The following KCNC3 variants were observed in gnomAD, a reference collection of about 807,000 sequenced individuals.
The protein encoded by KCNC3 is potassium voltage-gated channel subfamily C member 3.
Under a neutral mutation model 43.9 loss-of-function variants are expected in KCNC3, and 22 were observed. The ratio of observed to expected loss-of-function variants is 0.50; its 90% CI spans 0.36 to 0.72. The LOEUF (loss-of-function observed/expected upper bound fraction) is 0.72. KCNC3 is among the 30% of genes least tolerant of loss of function. KCNC3 has a pLI of 0.00. For missense variants in KCNC3, 829 were observed against 1,073.8 expected, an observed-to-expected ratio of 0.77 and a Z score of 3.19; for synonymous variants, 492 against 488.0, an observed-to-expected ratio of 1.01 and a Z score of -0.11.
chr19:50,329,061 A>G lies in KCNC3; in HGVS notation c.22T>C (p.Ser8Pro). Residue 8 changes from serine to proline, a missense_variant, in exon 1 of 5, where the codon TCG becomes CCG. By Grantham distance (74) the Ser-to-Pro change is moderately conservative (BLOSUM62 -1). Around this residue, in one of 7 missense-constraint regions of KCNC3, gnomAD observed 129 missense variants for 83.6 expected, o/e 1.54. Coordinates refer to ENST00000477616, the MANE Select transcript of KCNC3 (RefSeq NM_004977.3). ...GCCCCCTGGCGCCCGCGGAAGGACGAGACGCAGACTGAGCTCAGCATTGGA... is the reference window on the plus strand; with the variant it reads ...GCCCCCTGGCGCCCGCGGAAGGACGGGACGCAGACTGAGCTCAGCATTGGA... MLSSVCV[S>P]SFRGRQGASK... The G allele has an allele frequency of 7.9e-7, 1 of 1,265,248 alleles. No homozygotes were observed. The highest frequency in any genetic ancestry group is 1.0e-6 in the Non-Finnish European group (1 of 995,102). The allele number at this position is 1,265,248 out of a possible 1,614,324, so 78.4% of individuals were successfully genotyped here.
Position 50,320,711 on chromosome 19 carries a change from G to A in KCNC3, c.2052C>T (p.Ala684=), listed in dbSNP as rs373490318. 2.5e-6 allele frequency: 4 copies of A among 1,613,976 alleles called. No individual in the cohort carries two copies. The East Asian group carries it at 8.9e-5, about 36-fold the overall frequency. ...TGGGGCTCTTGTCTTCCGGGGACATGGCAGGCTGGTCAATGGCTGGGCAGT... is the reference window on the plus strand; with the variant it reads ...TGGGGCTCTTGTCTTCCGGGGACATAGCAGGCTGGTCAATGGCTGGGCAGT... The part of the protein sequence containing the change: ...HEDCPAIDQP[A]MSPEDKSPIT... The change falls in exon 3 of 5, where the codon GCC becomes GCT. Residue 684 remains alanine (A), a synonymous_variant. Transcript: ENST00000477616.
In KCNC3 at chr19:50,323,841, G is replaced by A; in HGVS notation, c.1112C>T (p.Pro371Leu). Residue 371 changes from proline to leucine, a missense_variant, in exon 2 of 5, where the codon CCA becomes CTA. Pro to Leu is a moderately conservative substitution (Grantham distance 98). Transcript: ENST00000477616. ...FEFLMRITFCPDKVEFLKSSL... is the reference protein window; with the variant it reads ...FEFLMRITFCLDKVEFLKSSL... ...GCTTTTAAGAAACTCCACCTTGTCT[G>A]GGCAGAAGGTGATGCGCATGAGGAA... The A allele has an allele frequency of 1.2e-6, 2 of 1,614,158 alleles. No individual in the cohort carries two copies. Among genetic ancestry groups the A allele is most frequent in the Non-Finnish European group, 1.7e-6 (2 of 1,180,038 alleles).
At chr19:50,322,215 C>T (rs1363446137) in intron 2 of KCNC3, among the ~76,000 whole-genome samples, 9 of 152,160 alleles carry the variant, frequency 5.9e-5, no homozygotes, top group Non-Finnish European at 1.3e-4. Context: ...GAGGCATAGA[C>T]ACCCCCTGGG....
At position 50,328,607 on chromosome 19, in the gene KCNC3, G is replaced by A; in HGVS notation, c.476C>T (p.Pro159Leu). ...NYYRTGKLHC[P>L]ADVCGPLFEE... ...AAACAGGGGCCCGCACACGTCGGCTGGGCAGTGCAGCTTGCCGGTGCGGTA... is the reference window on the plus strand; with the variant it reads ...AAACAGGGGCCCGCACACGTCGGCTAGGCAGTGCAGCTTGCCGGTGCGGTA... The change falls in exon 1 of 5, where the codon CCA (proline) becomes CTA (leucine). Residue 159 changes from proline (P) to leucine (L), a missense_variant. Coordinates refer to ENST00000477616, the MANE Select transcript of KCNC3 (RefSeq NM_004977.3). 6.2e-7 allele frequency: 1 copy of A among 1,611,426 alleles called. No individual in the cohort carries two copies. The highest frequency in any genetic ancestry group is 8.5e-7 in the Non-Finnish European group (1 of 1,179,494).
chr19:50,325,191 C>T (rs971763113), intron 1 of KCNC3, among the ~76,000 whole-genome samples: 4 of 151,892 alleles, frequency 2.6e-5, no homozygotes, highest in African/African-American at 9.7e-5. Flanking sequence ...ATGGGCCAGG[C>T]CCCTAGAGAT....
At chr19:50,330,608 G>A (rs1043636567), upstream of KCNC3, among the ~76,000 whole-genome samples, 3 of 152,152 alleles carry the variant, frequency 2.0e-5, no homozygotes, top group African/African-American at 7.2e-5. Flanking sequence ...GCAGATTGGA[G>A]GACCGAGGGT....
intron 2 of KCNC3, among the ~76,000 whole-genome samples, chr19:50,321,524 C>G (rs1371812344): frequency 1.3e-5 from 2 of 152,118 alleles, no homozygotes; most frequent in Non-Finnish European, 2.9e-5. Context: ...AATCCCAGCA[C>G]TTTGGGAGGC....
intron 4 of KCNC3, among the ~76,000 whole-genome samples, chr19:50,318,250 C>T (rs1054737915): frequency 6.6e-6 from 1 of 152,080 alleles, no homozygotes; most frequent in Non-Finnish European, 1.5e-5. Context: ...TCTTGGCTCA[C>T]TGCAACCTCC....
chr19:50,330,867 G>C (rs1462361913), upstream of KCNC3, among the ~76,000 whole-genome samples: 2 of 152,000 alleles, frequency 1.3e-5, no homozygotes, highest in African/African-American at 4.8e-5. Context: ...CCGAGAGGCA[G>C]AGCGCAGGCT....
rs1342770523 is a variant in KCNC3 at position 50,324,860 on chromosome 19, G to A, written c.871-778C>T. On this transcript the variant is annotated intron_variant, in intron 1 of 4. Transcript: ENST00000477616. This position sits in a 1 kb window ranked among gnomAD's most constrained non-coding sequence, Gnocchi z 4.1. ...GCAGTGGTGGTGCCACAGAGGGGAG[G>A]TGGGGGTCCGGGCCCTTAAGGGAGG... Among the ~76,000 whole-genome samples the A allele has an allele frequency of 6.6e-6, 1 of 152,026 alleles. No individual in the cohort carries two copies. Among genetic ancestry groups the A allele is most frequent in the Non-Finnish European group, 1.5e-5 (1 of 68,014 alleles).
In KCNC3 at chr19:50,321,371, G is replaced by C. The variant is rs1386365176; in HGVS notation, c.1979-587C>G. Among the ~76,000 whole-genome samples, 11 of 152,276 alleles carry C rather than the reference G, an allele frequency of 7.2e-5. No homozygotes were observed. The South Asian group carries it at 2.3e-3, about 32-fold the overall frequency. On this transcript the variant is annotated intron_variant, in intron 2 of 4. Transcript: ENST00000477616. ...TAGTCCCAGCTACTCTGCAGGCTGAGGCAGGAGGATCACTTGAAACTGGGA... is the reference window on the plus strand; with the variant it reads ...TAGTCCCAGCTACTCTGCAGGCTGACGCAGGAGGATCACTTGAAACTGGGA...
Position 50,327,625 on chromosome 19 carries a change from G to A in KCNC3, c.870+588C>T, listed in dbSNP as rs2037122017. ...GAGGTCTTCTGGGAGACGGGCCACG[G>A]GGTGAATCGGGGAGGTGCTGGGAGA... is the stretch of plus-strand genomic sequence containing the variant. On this transcript the variant is annotated intron_variant, in intron 1 of 4. Coordinates refer to ENST00000477616, the MANE Select transcript of KCNC3 (RefSeq NM_004977.3). Among the ~76,000 whole-genome samples the A allele has an allele frequency of 2.6e-5, 4 of 152,072 alleles. No individual in the cohort carries two copies. In the South Asian group the frequency reaches 8.3e-4, roughly 32 times the overall value.
chr19:50,324,228 T>G lies in KCNC3; in HGVS notation c.871-146A>C. 1 of 693,860 alleles carries G rather than the reference T, an allele frequency of 1.4e-6. No homozygotes were observed. Among genetic ancestry groups the G allele is most frequent in the South Asian group, 2.0e-5 (1 of 49,872 alleles). The allele number at this position is 693,860 out of a possible 1,614,324, so 43.0% of individuals were successfully genotyped here. ...AATCCAGGTGTCTCAGCCCTGTGGC[T>G]CCATCACTTCCAGAATCCCATTCTC... On this transcript the variant is annotated intron_variant, in intron 1 of 4. Transcript: ENST00000477616. The surrounding 1 kb of genome is among the most constrained non-coding windows in gnomAD (Gnocchi z 4.1).
intron 2 of KCNC3, among the ~76,000 whole-genome samples, chr19:50,321,026 G>A (rs2037027594): frequency 7.5e-6 from 1 of 133,232 alleles, no homozygotes; most frequent in Non-Finnish European, 1.5e-5. Flanking sequence ...TGAGTGCTGG[G>A]AAGGGCGACT....
upstream of KCNC3, among the ~76,000 whole-genome samples, chr19:50,333,288 G>C (rs190344383): frequency 1.1e-3 from 163 of 152,312 alleles, no homozygotes; most frequent in Non-Finnish European, 1.9e-3. Flanking sequence ...GGCTGCAGAG[G>C]GGGGAGTGAC....
intron 3 of KCNC3, 101 bp downstream of exon 3, chr19:50,320,492 A>G (rs549187542): frequency 9.0e-7 from 1 of 1,106,178 alleles, no homozygotes; most frequent in South Asian, 1.4e-5. Flanking sequence ...GGAAGGGGGA[A>G]GGGAAGTCCA....
chr19:50,333,370 C>T (rs1045301596), upstream of KCNC3: 1 of 153,884 alleles, frequency 6.5e-6, no homozygotes, highest in African/African-American at 2.4e-5. Flanking sequence ...ATGGCGGACC[C>T]CGGGGTCCTG....
intron 4 of KCNC3, among the ~76,000 whole-genome samples, chr19:50,318,974 A>T (rs1193617191): frequency 7.3e-6 from 1 of 137,318 alleles, no homozygotes; most frequent in African/African-American, 2.7e-5. Flanking sequence ...AGCCCAGGTG[A>T]CATAGCAAGA....
At chr19:50,330,764 C>T (rs1415208975), upstream of KCNC3, among the ~76,000 whole-genome samples, 2 of 151,742 alleles carry the variant, frequency 1.3e-5, no homozygotes, top group Admixed American at 1.3e-4. Context: ...TCTCAGAGGT[C>T]GGGTTCTGGG....
Sources: gnomAD v4.1 joint callset for allele counts (sites outside exome capture counted in the v4.1 genomes callset) on GRCh38, gnomAD v4.1.1 for gene constraint, gnomAD v4.1.1 regional missense constraint, Gnocchi (gnomAD v3.1) non-coding constraint, MANE v1.5 for transcripts, NCBI Gene and HGNC (gene_info 2026-07-23, HGNC 2026-07-21) for gene names.